The following FCN1 variants were observed in gnomAD, a reference collection of about 807,000 sequenced individuals.
FCN1 encodes the protein ficolin 1.
In FCN1, 42 loss-of-function variants were observed where a neutral mutation model predicts 35.6. That is an observed-to-expected ratio of 1.18 (90% CI 0.92 to 1.53). The LOEUF (loss-of-function observed/expected upper bound fraction) is 1.53. Ranked by LOEUF, FCN1 falls within the 40% of genes most tolerant of loss-of-function variation. FCN1 has a pLI of 0.00. For synonymous variants in FCN1, 179 were observed against 169.8 expected (o/e 1.05, Z -0.42); for missense variants, 439 against 428.4 (o/e 1.02, Z -0.22).
intron 2 of FCN1, among the ~76,000 whole-genome samples, chr9:134,916,084 T>C (rs1831088136): frequency 6.6e-6 from 1 of 152,166 alleles, no homozygotes; most frequent in African/African-American, 2.4e-5. Context: ...GCAAAGCTGG[T>C]ATTGGATCAA....
In FCN1 at chr9:134,904,762, A is replaced by G. The variant is rs150735891; in HGVS notation, c.*5036T>C. 0.041 allele frequency among the ~76,000 whole-genome samples: 6,275 copies of G among 152,302 alleles called. 157 individuals carry two copies. Among genetic ancestry groups the G allele is most frequent in the Non-Finnish European group, 0.059 (4,006 of 68,026 alleles). ...ACCGCTGCACTCCAGCCTGGGGGAC[A>G]GAGTGAGACCCTGTTTCAAAAAATA... On this transcript the variant is annotated 3_prime_UTR_variant, in exon 9 of 9. Coordinates refer to ENST00000371806, the MANE Select transcript of FCN1 (RefSeq NM_002003.5).
At chr9:134,910,338 C>T (rs1831007705) in intron 8 of FCN1, among the ~76,000 whole-genome samples, 1 of 152,136 alleles carries the variant, frequency 6.6e-6, no homozygotes, top group Non-Finnish European at 1.5e-5. Context: ...CTGGAATGAC[C>T]TCCCTCCTCC....
Position 134,910,007 on chromosome 9 carries a change from T to A in FCN1, c.772A>T (p.Thr258Ser). 6.2e-7 allele frequency: 1 copy of A among 1,614,056 alleles called. No homozygotes were observed. The highest frequency in any genetic ancestry group is 1.3e-5 in the African/African-American group (1 of 74,996). Residue 258 changes from threonine to serine, a missense_variant, in exon 9 of 9, where the codon ACC becomes TCC. Transcript: ENST00000371806. The stretch of plus-strand genomic sequence containing the variant: ...CTCACATCATTGTCTTGGTCTTTGG[T>A]GGAGAAGAAGTTGTTGTTGTGGCCC... ...LTGHNNNFFS[T>S]KDQDNDVSSS...
At chr9:134,914,441 A>G in intron 3 of FCN1, 21 bp from the exon 4 acceptor site, 2 of 1,613,086 alleles carry the variant, frequency 1.2e-6, no homozygotes, top group South Asian at 2.2e-5. Context: ...AGGCAGGATA[A>G]TGAGCTTTTG....
At chr9:134,915,219 G>A (rs988135489) in intron 2 of FCN1, among the ~76,000 whole-genome samples, 6 of 152,260 alleles carry the variant, frequency 3.9e-5, no homozygotes, top group East Asian at 3.9e-4. Context: ...GAGGGTGGGC[G>A]CCACGTGCAG....
At chr9:134,913,180 G>A (rs1263172560) in intron 5 of FCN1, 37 bp from the exon 6 acceptor site, 1 of 1,610,890 alleles carries the variant, frequency 6.2e-7, no homozygotes, top group South Asian at 1.1e-5. Flanking sequence ...GCAGGACGGG[G>A]GCCCTGGGCA....
intron 8 of FCN1, 126 bp downstream of exon 8, chr9:134,911,007 T>C: frequency 2.0e-6 from 2 of 1,000,716 alleles, no homozygotes; most frequent in Non-Finnish European, 3.1e-6. Context: ...AATGCTAGTG[T>C]CTGCTTCATA....
At chr9:134,914,199 G>A (rs1332005666) in intron 4 of FCN1, among the ~76,000 whole-genome samples, 186 bp downstream of exon 4, 2 of 152,188 alleles carry the variant, frequency 1.3e-5, no homozygotes, top group African/African-American at 4.8e-5. Flanking sequence ...AGTGACTGCT[G>A]TAGACACCAG....
rs1564215472 is a variant in FCN1, at chr9:134,905,901, T to TTCTC, written c.*3896_*3897insGAGA. The stretch of plus-strand genomic sequence containing the variant: ...TTCTTCTTCTTCTTCTTCTTCTTCT[T>TTCTC]CTTCTTCTTCTTCTTCTTCTTCTCC... On this transcript the variant is annotated 3_prime_UTR_variant, in exon 9 of 9. Transcript: ENST00000371806. 4.3e-3 allele frequency: 369 copies of TTCTC among 85,322 alleles called. 1 individual carries two copies. Among genetic ancestry groups the TTCTC allele is most frequent in the Non-Finnish European group, 6.1e-3 (290 of 47,210 alleles). 5.3% of individuals were successfully genotyped at this position (85,322 alleles called of 1,614,324 possible).
In FCN1 at chr9:134,904,354, C is replaced by T. The variant is rs1398404659; in HGVS notation, c.*5444G>A. 1.3e-5 allele frequency among the ~76,000 whole-genome samples: 2 copies of T among 152,192 alleles called. No individual in the cohort carries two copies. Among genetic ancestry groups the T allele is most frequent in the Non-Finnish European group, 1.5e-5 (1 of 68,036 alleles). ...TGAAAATACTGGACATCTGTATTTA[C>T]AGTGCTAAAAGAAACTAATTGGCAA... On this transcript the variant is annotated 3_prime_UTR_variant, in exon 9 of 9. Transcript: ENST00000371806.
intron 8 of FCN1, 66 bp from the exon 9 acceptor site, chr9:134,910,111 A>T: frequency 7.0e-7 from 1 of 1,432,036 alleles, no homozygotes; most frequent in Admixed American, 1.7e-5. Flanking sequence ...GACCCTCACC[A>T]CATCCTGCCT....
At position 134,912,595 on chromosome 9, in the gene FCN1, A is replaced by G; in HGVS notation, c.489T>C (p.Asp163=). The change falls in exon 7 of 9, where the codon GAT becomes GAC. Residue 163 remains aspartate, a synonymous_variant. Coordinates refer to ENST00000371806, the MANE Select transcript of FCN1 (RefSeq NM_002003.5). The part of the protein sequence containing the change: ...GGWTVFQRRM[D]GSVDFYRDWA... ...AGTCCCGATAGAAGTCCACAGAGCC[A>G]TCCATCCTCCGCTGGAAAACCTGTG... The G allele has an allele frequency of 6.2e-7, 1 of 1,614,144 alleles. No homozygotes were observed. Among genetic ancestry groups the G allele is most frequent in the Non-Finnish European group, 8.5e-7 (1 of 1,179,998 alleles).
chr9:134,909,903 G>A lies in FCN1; in HGVS notation c.876C>T (p.Tyr292=). Residue 292 remains tyrosine, a synonymous_variant, in exon 9 of 9, where the codon TAC becomes TAT. Transcript: ENST00000371806. The part of the protein sequence containing the change: ...DCHASNLNGL[Y]LMGPHESYAN... ...CATAGCTCTCATGGGGTCCCATGAG[G>A]TAGAGACCATTGAGGTTTGAAGCAT... is the stretch of plus-strand genomic sequence containing the variant. The A allele has an allele frequency of 6.2e-7, 1 of 1,614,126 alleles. No individual in the cohort carries two copies. Among genetic ancestry groups the A allele is most frequent in the Non-Finnish European group, 8.5e-7 (1 of 1,179,996 alleles).
Position 134,909,759 on chromosome 9 carries a change from TC to T in FCN1, c.*38del. 2 of 1,608,240 alleles carry T rather than the reference TC, an allele frequency of 1.2e-6. No homozygotes were observed. ...CGACGCAGCGCTTGTGGGTGTGGCC[TC>T]CCCACTAGCAGGTGCATGTGGAGGG... is the stretch of plus-strand genomic sequence containing the variant. On this transcript the variant is annotated 3_prime_UTR_variant, in exon 9 of 9. Coordinates refer to ENST00000371806, the MANE Select transcript of FCN1 (RefSeq NM_002003.5).
Position 134,909,723 on chromosome 9 carries a change from G to A in FCN1, c.*75C>T, listed in dbSNP as rs769632447. 5.6e-6 allele frequency: 9 copies of A among 1,598,140 alleles called. No individual in the cohort carries two copies. Among genetic ancestry groups the A allele is most frequent in the Non-Finnish European group, 7.6e-6 (9 of 1,177,810 alleles). Reference sequence around the variant, plus strand: ...GGAGTGTGTCTGGCTGGGGAAATGGGGTGACTTCCACGACGCAGCGCTTGT... The same window carrying A: ...GGAGTGTGTCTGGCTGGGGAAATGGAGTGACTTCCACGACGCAGCGCTTGT... On this transcript the variant is annotated 3_prime_UTR_variant, in exon 9 of 9. Coordinates refer to ENST00000371806, the MANE Select transcript of FCN1 (RefSeq NM_002003.5).
rs763029916 is a variant in FCN1, at chr9:134,911,221, G to T, written c.645C>A (p.His215Gln). ...TGAATGATTTGTACTTAGCAAACTG[G>T]TGGTTGCCCTCAAAGTCCACCAGGT... Reference protein sequence around the residue: ...RVDLVDFEGNHQFAKYKSFKV... With the variant: ...RVDLVDFEGNQQFAKYKSFKV... Residue 215 changes from histidine (H) to glutamine (Q), a missense_variant, in exon 8 of 9, where the codon CAC becomes CAA. Physicochemically the swap from His to Gln is conservative, Grantham distance 24. Coordinates refer to ENST00000371806, the MANE Select transcript of FCN1 (RefSeq NM_002003.5). 6.2e-7 allele frequency: 1 copy of T among 1,612,660 alleles called. No individual in the cohort carries two copies. Among genetic ancestry groups the T allele is most frequent in the Non-Finnish European group, 8.5e-7 (1 of 1,179,466 alleles).
At position 134,906,937 on chromosome 9, in the gene FCN1, T is replaced by C. The variant is rs1830963098; in HGVS notation, c.*2861A>G. 6.6e-6 allele frequency: 1 copy of C among 152,020 alleles called. No individual in the cohort carries two copies. The highest frequency in any genetic ancestry group is 6.6e-5 in the Admixed American group (1 of 15,262). The allele number at this position is 152,020 out of a possible 1,614,324, so 9.4% of individuals were successfully genotyped here. On this transcript the variant is annotated 3_prime_UTR_variant, in exon 9 of 9. Transcript: ENST00000371806. ...AATACAAAAAAATTGCTGGGCATGG[T>C]TGTGTGTGCCTGTGATCCCAGCTAC...
Position 134,909,882 on chromosome 9 carries a change from G to T in FCN1, c.897C>A (p.Ser299Arg). The change falls in exon 9 of 9, where the codon AGC becomes AGA. Residue 299 changes from serine (S) to arginine (R), a missense_variant. By Grantham distance (110) the Ser-to-Arg change is moderately radical. Coordinates refer to ENST00000371806, the MANE Select transcript of FCN1 (RefSeq NM_002003.5). ...NGLYLMGPHE[S>R]YANGINWSAA... ...CACTCCAGTTGATACCATTGGCATA[G>T]CTCTCATGGGGTCCCATGAGGTAGA... The T allele has an allele frequency of 1.9e-6, 3 of 1,614,120 alleles. No homozygotes were observed. The highest frequency in any genetic ancestry group is 2.5e-6 in the Non-Finnish European group (3 of 1,179,996).
chr9:134,909,803 C>T lies in FCN1; in HGVS notation c.976G>A (p.Ala326Thr), dbSNP rs761311523. ...YKVSEMKVRP[A>T] Reference sequence around the variant, plus strand: ...GTGGAGGGGTCCTGGCCCGTCTAGGCGGGCCGCACCTTCATCTCTGACACC... The same window carrying T: ...GTGGAGGGGTCCTGGCCCGTCTAGGTGGGCCGCACCTTCATCTCTGACACC... The change falls in exon 9 of 9, where the codon GCC becomes ACC. Residue 326 changes from alanine (A) to threonine (T), a missense_variant. Transcript: ENST00000371806. 20 of 1,612,938 alleles carry T rather than the reference C, an allele frequency of 1.2e-5. No homozygotes were observed. Among genetic ancestry groups the T allele is most frequent in the South Asian group, 9.9e-5 (9 of 91,044 alleles).
Sources: allele counts gnomAD v4.1 joint callset (sites outside exome capture counted in the v4.1 genomes callset), GRCh38; gene constraint gnomAD v4.1.1; transcripts MANE v1.5; gene names NCBI Gene and HGNC (gene_info 2026-07-23, HGNC 2026-07-21).